The following GRID2 variants were observed in gnomAD, a reference collection of about 807,000 sequenced individuals.
GRID2 encodes the protein glutamate receptor ionotropic, delta-2.
Under a neutral mutation model 114.8 loss-of-function variants are expected in GRID2, and 33 were observed. The observed-to-expected ratio is 0.29, with a 90% confidence interval of 0.22 to 0.38. The LOEUF is 0.38. GRID2 is among the 10% of genes least tolerant of loss of function. The probability of loss-of-function intolerance (pLI) is 1.00; values close to 1 mark genes in which losing one functional copy is unlikely to be tolerated. For synonymous variants in GRID2, 505 were observed against 449.9 expected (o/e 1.12, Z -1.55); for missense variants, 1,184 against 1,257.7 (o/e 0.94, Z 0.89).
intron 13 of GRID2, among the ~76,000 whole-genome samples, chr4:93,557,365 T>C (rs1336832798): frequency 6.6e-6 from 1 of 152,096 alleles, no homozygotes; most frequent in Non-Finnish European, 1.5e-5. Context: ...CAGACACACA[T>C]AGGCTCAAAA....
intron 1 of GRID2, among the ~76,000 whole-genome samples, chr4:92,535,393 A>C (rs1325038723): frequency 6.6e-6 from 1 of 152,178 alleles, no homozygotes; most frequent in Non-Finnish European, 1.5e-5. Flanking sequence ...GCAATCCTTA[A>C]AAACAATGGA....
At chr4:92,562,875 G>C (rs144884116) in intron 1 of GRID2, among the ~76,000 whole-genome samples, 1,704 of 152,234 alleles carry the variant, frequency 0.011, 15 homozygotes, top group Non-Finnish European at 0.017. Flanking sequence ...GTGCCCTGAT[G>C]CTAAGAGCTC....
intron 2 of GRID2, among the ~76,000 whole-genome samples, chr4:92,839,185 G>A (rs1742689510): frequency 6.6e-6 from 1 of 151,858 alleles, no homozygotes; most frequent in Admixed American, 6.6e-5. Context: ...AGGTATCTTA[G>A]TTTGATTTAC....
intron 1 of GRID2, among the ~76,000 whole-genome samples, chr4:92,435,015 G>A (rs76710638): frequency 0.03 from 4,545 of 152,204 alleles, 198 homozygotes; most frequent in African/African-American, 0.093. Context: ...GTAGGAAAAT[G>A]CATATTTATA....
intron 8 of GRID2, among the ~76,000 whole-genome samples, chr4:93,267,277 G>A (rs1393159096): frequency 2.0e-5 from 3 of 151,660 alleles, no homozygotes; most frequent in South Asian, 2.1e-4. Context: ...ATGCTGGTGC[G>A]CTGCACCCAC....
chr4:93,160,120 A>G (rs1737549984), intron 4 of GRID2, among the ~76,000 whole-genome samples: 1 of 151,764 alleles, frequency 6.6e-6, no homozygotes. Context: ...CAGATAAAAT[A>G]CATATTCTGT....
At chr4:93,245,520 T>G (rs2149523149) in intron 8 of GRID2, among the ~76,000 whole-genome samples, 1 of 152,286 alleles carries the variant, frequency 6.6e-6, no homozygotes, top group South Asian at 2.1e-4. Flanking sequence ...TTAAATTGAT[T>G]ATTCCAAGCA....
At chr4:92,656,472 TAAA>T (rs370868206) in intron 2 of GRID2, among the ~76,000 whole-genome samples, 1 of 145,248 alleles carries the variant, frequency 6.9e-6, no homozygotes, top group African/African-American at 2.5e-5. Flanking sequence ...AAAGAAAAAT[TAAA>T]AAAAAAAACA....
chr4:92,696,407 T>C (rs1734427549), intron 2 of GRID2, among the ~76,000 whole-genome samples: 1 of 152,158 alleles, frequency 6.6e-6, no homozygotes, highest in Non-Finnish European at 1.5e-5. Flanking sequence ...TACATAAATT[T>C]TCATCAAATC....
In GRID2 at chr4:93,643,061, T is replaced by C. The variant is rs1392631318; in HGVS notation, c.2360+16626T>C. Among the ~76,000 whole-genome samples the C allele has an allele frequency of 2.6e-4, 4 of 15,680 alleles. 2 individuals are homozygous for C. The highest frequency in any genetic ancestry group is 1.5e-3 in the Admixed American group (4 of 2,682). The allele number at this position is 15,680 out of a possible 152,430, so 10.3% of individuals were successfully genotyped here. A position where few individuals can be genotyped will look rare whatever the true frequency, so the allele number is the denominator to read the frequency against. On this transcript the variant is annotated intron_variant, in intron 14 of 15. Coordinates refer to ENST00000282020, the MANE Select transcript of GRID2 (RefSeq NM_001510.4). ...TTCCCTTCTCGCTTCATTTCATTCA[T>C]TTCATCTTCCATTGCTGATACCCTT... is the stretch of plus-strand genomic sequence containing the variant.
rs201708386 is a variant in GRID2, at chr4:93,053,847, G to GA, written c.245-31147dup. On this transcript the variant is annotated intron_variant, in intron 2 of 15. Transcript: ENST00000282020. Reference sequence around the variant, plus strand: ...TGGATGCTTACACAACAAACACATGGATGCTTACCAAGATCAATTAACAAT... The same window carrying GA: ...TGGATGCTTACACAACAAACACATGGAATGCTTACCAAGATCAATTAACAAT... 4.6e-3 allele frequency among the ~76,000 whole-genome samples: 693 copies of GA among 151,994 alleles called. 5 individuals carry two copies. Among genetic ancestry groups the GA allele is most frequent in the African/African-American group, 0.016 (660 of 41,528 alleles).
chr4:92,839,292 T>A (rs1369258705), intron 2 of GRID2, among the ~76,000 whole-genome samples: 1 of 151,720 alleles, frequency 6.6e-6, no homozygotes. Flanking sequence ...TAATACTTTA[T>A]GTTTTAGGGT....
Position 92,842,159 on chromosome 4 carries a change from G to C in GRID2, c.245-242836G>C, listed in dbSNP as rs141979746. ...TGATGTAGCCCAGACTCTCTCTAGGGATCATTAAACAGCATGCATTAGGGT... is the reference window on the plus strand; with the variant it reads ...TGATGTAGCCCAGACTCTCTCTAGGCATCATTAAACAGCATGCATTAGGGT... On this transcript the variant is annotated intron_variant, in intron 2 of 15. Transcript: ENST00000282020. Among the ~76,000 whole-genome samples, 186 of 152,174 alleles carry C rather than the reference G, an allele frequency of 1.2e-3. 2 individuals carry two copies. In the East Asian group the frequency reaches 0.026, roughly 21 times the overall value.
At chr4:92,312,728 T>C (rs1316800570) in intron 1 of GRID2, among the ~76,000 whole-genome samples, 1 of 152,034 alleles carries the variant, frequency 6.6e-6, no homozygotes, top group East Asian at 1.9e-4. Context: ...ATTTGGGGAA[T>C]ATATCATTGT....
chr4:92,309,126 A>G (rs780858492), intron 1 of GRID2, among the ~76,000 whole-genome samples: 7 of 152,054 alleles, frequency 4.6e-5, no homozygotes, highest in Non-Finnish European at 8.8e-5. Flanking sequence ...CCAAATAGGA[A>G]TAAAAATCCA....
chr4:92,405,645 A>G (rs895414571), intron 1 of GRID2, among the ~76,000 whole-genome samples: 2 of 151,956 alleles, frequency 1.3e-5, no homozygotes, highest in Non-Finnish European at 2.9e-5. Context: ...TACATAAGGG[A>G]AAAAAGTTGA....
chr4:93,096,718 G>T (rs1341272009), intron 3 of GRID2, among the ~76,000 whole-genome samples: 2 of 152,088 alleles, frequency 1.3e-5, no homozygotes, highest in East Asian at 3.9e-4. Context: ...ATACTTTGCT[G>T]GTTGGAATGT....
chr4:93,198,214 A>G lies in GRID2; in HGVS notation c.736-9190A>G, dbSNP rs541947672. Among the ~76,000 whole-genome samples the G allele has an allele frequency of 6.8e-4, 103 of 152,330 alleles. No homozygotes were observed. The Middle Eastern group carries it at 0.01, about 15-fold the overall frequency. On this transcript the variant is annotated intron_variant, in intron 4 of 15. Coordinates refer to ENST00000282020, the MANE Select transcript of GRID2 (RefSeq NM_001510.4). The stretch of plus-strand genomic sequence containing the variant: ...TGACCAAAATGAAGTCCTTACTACC[A>G]TGAAGCTTATTCTACAGCACAGAAA...
At chr4:92,618,105 A>G (rs533214395) in intron 2 of GRID2, among the ~76,000 whole-genome samples, 269 of 151,782 alleles carry the variant, frequency 1.8e-3, no homozygotes, top group Non-Finnish European at 3.1e-3. Context: ...ATGTCCTGAA[A>G]TATTTTTCTT....
Sources: allele counts gnomAD v4.1 joint callset (sites outside exome capture counted in the v4.1 genomes callset), GRCh38; gene constraint gnomAD v4.1.1; transcripts MANE v1.5; gene names NCBI Gene and HGNC (gene_info 2026-07-23, HGNC 2026-07-21).